The following METTL21A variants were observed in gnomAD, a reference collection of about 807,000 sequenced individuals.
The protein encoded by METTL21A is protein N-lysine methyltransferase METTL21A.
METTL21A carries 22 observed loss-of-function variants against 20.9 expected under a neutral mutation model. The ratio of observed to expected loss-of-function variants is 1.05; its 90% confidence interval spans 0.75 to 1.50. The LOEUF is 1.50. METTL21A is among the 40% of genes most tolerant of loss of function. The pLI, the probability that METTL21A is intolerant of heterozygous loss-of-function variation, is 0.00. For synonymous variants in METTL21A, 93 were observed against 102.0 expected (o/e 0.91, Z 0.53); for missense variants, 271 against 266.8 (o/e 1.02, Z -0.11).
intron 3 of METTL21A, among the ~76,000 whole-genome samples, chr2:207,615,316 TA>T (rs60096139): frequency 6.6e-6 from 1 of 150,644 alleles, no homozygotes; most frequent in South Asian, 2.1e-4. Context: ...CACAAAAAAA[TA>T]AAAAAATTAG....
At chr2:207,618,813 G>A (rs1379392493) in intron 3 of METTL21A, among the ~76,000 whole-genome samples, 1 of 152,178 alleles carries the variant, frequency 6.6e-6, no homozygotes. Context: ...GGCTGACAGT[G>A]GGTAACTGAA....
chr2:207,624,645 T>C (rs1289336076), intron 1 of METTL21A: 1 of 312,466 alleles, frequency 3.2e-6, no homozygotes, highest in African/African-American at 2.2e-5. Context: ...ACATTCCAAC[T>C]TCCGCAGAAT....
intron 3 of METTL21A, among the ~76,000 whole-genome samples, chr2:207,585,513 A>G (rs1161537523): frequency 6.6e-6 from 1 of 152,208 alleles, no homozygotes; most frequent in Non-Finnish European, 1.5e-5. Context: ...GACACAAGAA[A>G]CATAAAATAC....
intron 3 of METTL21A, among the ~76,000 whole-genome samples, chr2:207,596,097 T>C (rs1162909505): frequency 6.6e-6 from 1 of 152,242 alleles, no homozygotes; most frequent in Non-Finnish European, 1.5e-5. Context: ...TTTTATAGTT[T>C]TAGGTCTTAC....
chr2:207,616,715 A>T (rs569429237), intron 3 of METTL21A, among the ~76,000 whole-genome samples: 2 of 152,208 alleles, frequency 1.3e-5, no homozygotes, highest in Admixed American at 6.5e-5. Context: ...GCGTGGTGGC[A>T]GGCGCCTGTA....
chr2:207,623,205 A>C (rs552948516), intron 2 of METTL21A, among the ~76,000 whole-genome samples: 2 of 152,184 alleles, frequency 1.3e-5, no homozygotes, highest in South Asian at 4.1e-4. Context: ...CACCAGGCCT[A>C]TATCTTTATT....
At chr2:207,607,939 A>C (rs1042383453), downstream of METTL21A, among the ~76,000 whole-genome samples, 1 of 152,082 alleles carries the variant, frequency 6.6e-6, no homozygotes, top group Non-Finnish European at 1.5e-5. Context: ...GGTAGTGGAC[A>C]CTGTGGTGTG....
chr2:207,619,970 TGAAAA>T (rs752607490), intron 3 of METTL21A, among the ~76,000 whole-genome samples: 2 of 152,150 alleles, frequency 1.3e-5, no homozygotes, highest in East Asian at 3.9e-4. Context: ...CTAGTAAGAA[TGAAAA>T]GAAATGTCAA....
At chr2:207,608,257 G>A (rs2088436603), downstream of METTL21A, among the ~76,000 whole-genome samples, 1 of 151,994 alleles carries the variant, frequency 6.6e-6, no homozygotes, top group Non-Finnish European at 1.5e-5. Context: ...TCCAAGATCA[G>A]AATATTGATC....
At chr2:207,582,714 T>G (rs1378063736) in intron 3 of METTL21A, among the ~76,000 whole-genome samples, 1 of 152,034 alleles carries the variant, frequency 6.6e-6, no homozygotes, top group African/African-American at 2.4e-5. Context: ...GCCAATATGG[T>G]GAAACCCTCT....
chr2:207,607,975 CCT>C (rs2088403900), downstream of METTL21A, among the ~76,000 whole-genome samples: 1 of 152,026 alleles, frequency 6.6e-6, no homozygotes, highest in South Asian at 2.1e-4. Flanking sequence ...CGCTCGCTCT[CCT>C]CTCACACACA....
chr2:207,624,408 C>T lies in METTL21A; in HGVS notation c.-29-4G>A, dbSNP rs2107372592. 1 of 1,596,780 alleles carries T rather than the reference C, an allele frequency of 6.3e-7. No homozygotes were observed. The highest frequency in any genetic ancestry group is 2.3e-5 in the East Asian group (1 of 44,370). The stretch of plus-strand genomic sequence containing the variant: ...GCACCCCGCCCTCTGCTCAGACCTG[C>T]CGTGCAAAAGAATCCTGGGTGACGC... On this transcript the variant is annotated splice_polypyrimidine_tract_variant and splice_region_variant and intron_variant, in intron 1 of 3. Coordinates refer to ENST00000406927, the Ensembl canonical transcript of METTL21A.
chr2:207,608,791 G>C (rs2088514572), downstream of METTL21A, among the ~76,000 whole-genome samples: 1 of 152,202 alleles, frequency 6.6e-6, no homozygotes, highest in African/African-American at 2.4e-5. Flanking sequence ...CCGGACCGTG[G>C]TGGCAGGCAC....
chr2:207,614,833 C>T (rs1273579719), intron 3 of METTL21A, among the ~76,000 whole-genome samples: 1 of 152,152 alleles, frequency 6.6e-6, no homozygotes, highest in Admixed American at 6.5e-5. Context: ...CTTCTGACCC[C>T]AGAAATTCTG....
intron 3 of METTL21A, among the ~76,000 whole-genome samples, chr2:207,588,916 C>T (rs1412131350): frequency 6.6e-6 from 1 of 151,632 alleles, no homozygotes; most frequent in African/African-American, 2.4e-5. Flanking sequence ...CTTTGGGATT[C>T]TCTACACAAA....
intron 3 of METTL21A, among the ~76,000 whole-genome samples, chr2:207,604,095 A>C (rs2087626587): frequency 6.6e-6 from 1 of 152,222 alleles, no homozygotes; most frequent in African/African-American, 2.4e-5. Flanking sequence ...GACAATAGGC[A>C]TGAACTAGGA....
At chr2:207,602,761 G>A (rs2087304882) in intron 3 of METTL21A, 1 of 213,246 alleles carries the variant, frequency 4.7e-6, no homozygotes, top group Non-Finnish European at 9.5e-6. Flanking sequence ...TATATTAAAA[G>A]TGGGAAATAA....
rs1449397111 is a variant in METTL21A, at chr2:207,622,031, T to TAAC, written c.148-117_148-115dup. ...CCACTTCGAGGTTCAATTCCCAGCTTAACAACACACACAGGAACTTAGCTG... is the reference window on the plus strand; with the variant it reads ...CCACTTCGAGGTTCAATTCCCAGCTTAACAACAACACACACAGGAACTTAGCTG... On this transcript the variant is annotated intron_variant, in intron 2 of 3. Transcript: ENST00000406927. The TAAC allele has an allele frequency of 5.5e-5, 46 of 837,124 alleles. No homozygotes were observed. The Middle Eastern group carries it at 1.0e-3, about 19-fold the overall frequency. The allele number at this position is 837,124 out of a possible 1,614,324, so 51.9% of individuals were successfully genotyped here.
downstream of METTL21A, among the ~76,000 whole-genome samples, chr2:207,606,756 A>T: frequency 6.6e-6 from 1 of 152,022 alleles, no homozygotes; most frequent in East Asian, 1.9e-4. Context: ...ATCTAGGGCC[A>T]CTTAACAGTA....
Sources: gnomAD v4.1 joint callset for allele counts (sites outside exome capture counted in the v4.1 genomes callset) on GRCh38, gnomAD v4.1.1 for gene constraint, MANE v1.5 for transcripts, NCBI Gene and HGNC (gene_info 2026-07-23, HGNC 2026-07-21) for gene names.